PCDHGA1: variants seen among roughly 807,000 people sequenced by gnomAD.
PCDHGA1 encodes protocadherin gamma subfamily A, 1.
In PCDHGA1, 32 loss-of-function variants were observed where a neutral mutation model predicts 58.0. The ratio of observed to expected loss-of-function variants is 0.55; its 90% confidence interval spans 0.42 to 0.74. The LOEUF is 0.74. Among genes scored for constraint, PCDHGA1 ranks in the 30% least tolerant of loss-of-function variants. The pLI is 0.00. For synonymous variants in PCDHGA1, 498 were observed against 501.1 expected, an observed-to-expected ratio of 0.99 and a Z score of 0.08; for missense variants, 1,205 against 1,182.3, an observed-to-expected ratio of 1.02 and a Z score of -0.28.
chr5:141,364,998 C>T (rs912689186), intron 1 of PCDHGA1: 1 of 1,613,920 alleles, frequency 6.2e-7, no homozygotes, highest in Non-Finnish European at 8.5e-7. Flanking sequence ...CCGGTACTCT[C>T]CGGCACCACG....
intron 1 of PCDHGA1, among the ~76,000 whole-genome samples, chr5:141,358,146 T>C (rs1760833280): frequency 6.6e-6 from 1 of 152,164 alleles, no homozygotes; most frequent in South Asian, 2.1e-4. Flanking sequence ...GCTGAGATCA[T>C]GACACTGTAC....
chr5:141,478,589 T>C, intron 1 of PCDHGA1: 2 of 1,573,336 alleles, frequency 1.3e-6, no homozygotes, highest in Non-Finnish European at 1.7e-6. Context: ...AGTGCTTTTT[T>C]ATTCCTACAT....
intron 1 of PCDHGA1, chr5:141,340,242 C>G (rs1331766486): frequency 6.2e-7 from 1 of 1,614,000 alleles, no homozygotes; most frequent in Non-Finnish European, 8.5e-7. Context: ...ACTCTAACCG[C>G]TAAAGATGGA....
At chr5:141,423,880 G>A in intron 1 of PCDHGA1, 1 of 1,282,292 alleles carries the variant, frequency 7.8e-7, no homozygotes, top group Middle Eastern at 2.9e-4. Context: ...TTTCAATCTT[G>A]GCATATTTTC....
In PCDHGA1 at chr5:141,422,057, A is replaced by T. The variant is rs1356083259; in HGVS notation, c.2422-72750A>T. 3.1e-6 allele frequency: 5 copies of T among 1,611,974 alleles called. No individual in the cohort carries two copies. The South Asian group carries it at 5.5e-5, about 18-fold the overall frequency. On this transcript the variant is annotated intron_variant, in intron 1 of 3. Transcript: ENST00000517417. The stretch of plus-strand genomic sequence containing the variant: ...GATCCAGACGAGGGAATCAACGGGG[A>T]AGTAATGTATTCATTTCGGAACATG...
In PCDHGA1 at chr5:141,432,287, G is replaced by A. The variant is rs189131107; in HGVS notation, c.2422-62520G>A. On this transcript the variant is annotated intron_variant, in intron 1 of 3. Transcript: ENST00000517417. This position sits in a 1 kb window ranked among gnomAD's most constrained non-coding sequence, Gnocchi z 6.0. ...ATCGTCCTACGTGTCCATCAACTCC[G>A]ACACTGGGGTACTGTATGCGCTGAG... The A allele has an allele frequency of 2.3e-4, 365 of 1,614,216 alleles. 2 individuals carry two copies. In the East Asian group the frequency reaches 6.5e-3, roughly 29 times the overall value.
chr5:141,355,172 A>G, intron 1 of PCDHGA1: 1 of 1,572,422 alleles, frequency 6.4e-7, no homozygotes, highest in African/African-American at 1.4e-5. Flanking sequence ...GGAAAACCGA[A>G]GCACAGGCGA....
intron 1 of PCDHGA1, chr5:141,364,245 A>G (rs1763237090): frequency 1.4e-6 from 2 of 1,460,650 alleles, no homozygotes; most frequent in Non-Finnish European, 9.1e-7. Flanking sequence ...CATTTTCGTC[A>G]GGGAATATGT....
chr5:141,420,065 G>T, intron 1 of PCDHGA1: 1 of 1,614,018 alleles, frequency 6.2e-7, no homozygotes, highest in East Asian at 2.2e-5. Flanking sequence ...CTCCAAGTCC[G>T]GACCTGTGGG....
intron 1 of PCDHGA1, chr5:141,352,180 C>T (rs1348613685): frequency 6.2e-7 from 1 of 1,613,720 alleles, no homozygotes; most frequent in African/African-American, 1.3e-5. Flanking sequence ...GCCTGCTGGT[C>T]GCTGTGCGTG....
chr5:141,404,147 G>A lies in PCDHGA1; in HGVS notation c.2421+71042G>A, dbSNP rs750117507. 2 of 1,612,990 alleles carry A rather than the reference G, an allele frequency of 1.2e-6. No homozygotes were observed. The highest frequency in any genetic ancestry group is 1.7e-6 in the Non-Finnish European group (2 of 1,179,340). ...ATCTTTTACATTAGAAAATTCAGAA[G>A]AAGATTATTACAGATTGTTGACGGC... On this transcript the variant is annotated intron_variant, in intron 1 of 3. Coordinates refer to ENST00000517417, the MANE Select transcript of PCDHGA1 (RefSeq NM_018912.3).
intron 1 of PCDHGA1, among the ~76,000 whole-genome samples, chr5:141,474,185 C>A (rs1481544975): frequency 6.6e-6 from 1 of 152,180 alleles, no homozygotes; most frequent in Non-Finnish European, 1.5e-5. Flanking sequence ...AAACTACTTA[C>A]ATTTTTAAAA....
At chr5:141,455,634 G>C (rs1429708887) in intron 1 of PCDHGA1, among the ~76,000 whole-genome samples, 1 of 152,110 alleles carries the variant, frequency 6.6e-6, no homozygotes. Context: ...GAGATATGTG[G>C]GGGGCAGCCA....
At chr5:141,452,000 A>G (rs2098730428) in intron 1 of PCDHGA1, among the ~76,000 whole-genome samples, 1 of 152,198 alleles carries the variant, frequency 6.6e-6, no homozygotes, top group Admixed American at 6.5e-5. Flanking sequence ...AAGCAAAATC[A>G]CTTGGTCCAG....
rs1334965321 is a variant in PCDHGA1, at chr5:141,432,195, C to T, written c.2422-62612C>T. 3 of 1,614,088 alleles carry T rather than the reference C, an allele frequency of 1.9e-6. No homozygotes were observed. The Admixed American group carries it at 5.0e-5, about 27-fold the overall frequency. ...CTCGTCTCTGTGACCGCCCACGACC[C>T]CGACTGTGAAGAGAACGCCCAGATC... On this transcript the variant is annotated intron_variant, in intron 1 of 3. Transcript: ENST00000517417. This position sits in a 1 kb window ranked among gnomAD's most constrained non-coding sequence, Gnocchi z 6.0.
chr5:141,446,821 T>G (rs183143971), intron 1 of PCDHGA1, among the ~76,000 whole-genome samples: 2 of 152,184 alleles, frequency 1.3e-5, no homozygotes, highest in South Asian at 4.1e-4. Context: ...GTCAGATGGG[T>G]AGATCCTTAT....
intron 1 of PCDHGA1, chr5:141,389,237 A>G (rs758770216): frequency 3.1e-6 from 5 of 1,612,662 alleles, no homozygotes; most frequent in Non-Finnish European, 4.2e-6. Flanking sequence ...CGGTTTTCTC[A>G]CAGTCTTCCT....
chr5:141,395,290 T>G, intron 1 of PCDHGA1: 1 of 1,529,838 alleles, frequency 6.5e-7, no homozygotes, highest in Non-Finnish European at 8.8e-7. Context: ...TTATTTGGCA[T>G]AAATTATGTT....
intron 1 of PCDHGA1, chr5:141,352,441 C>A: frequency 6.2e-7 from 1 of 1,614,054 alleles, no homozygotes; most frequent in South Asian, 1.1e-5. Flanking sequence ...AAACCGGTCT[C>A]TGCTCCAAGT....
Sources: gnomAD v4.1 joint callset for allele counts (sites outside exome capture counted in the v4.1 genomes callset) on GRCh38, gnomAD v4.1.1 for gene constraint, Gnocchi (gnomAD v3.1) non-coding constraint, MANE v1.5 for transcripts, NCBI Gene and HGNC (gene_info 2026-07-23, HGNC 2026-07-21) for gene names.